RBFOX1: variants seen among roughly 807,000 people sequenced by gnomAD.
RBFOX1 encodes the protein RNA binding protein fox-1 homolog 1.
RBFOX1 carries 8 observed loss-of-function variants against 57.7 expected under a neutral mutation model. The observed-to-expected ratio is 0.14, with a 90% CI of 0.08 to 0.25. The LOEUF (loss-of-function observed/expected upper bound fraction) is 0.25. Ranked by LOEUF, RBFOX1 falls within the 10% of genes least tolerant of loss-of-function variation. The probability of loss-of-function intolerance (pLI) is 1.00; values close to 1 mark genes in which losing one functional copy is unlikely to be tolerated. For missense variants in RBFOX1, 611 were observed against 548.5 expected (o/e 1.11, Z -1.14); for synonymous variants, 326 against 222.4 (o/e 1.47, Z -4.15).
rs527273950 is a variant in RBFOX1 at position 5,617,487 on chromosome 16, C to T, written c.318+18526C>T. On this transcript the variant is annotated intron_variant, in intron 3 of 19. Transcript: ENST00000641259. ...GACTCTGTGTTCTCCAATCATCAGG[C>T]TTGTTCCCCTCCTTTAAGGGTGTCC... is the stretch of plus-strand genomic sequence containing the variant. 2.3e-3 allele frequency among the ~76,000 whole-genome samples: 350 copies of T among 152,320 alleles called. 1 individual carries two copies. Among genetic ancestry groups the T allele is most frequent in the South Asian group, 5.2e-3 (25 of 4,824 alleles).
intron 1 of RBFOX1, among the ~76,000 whole-genome samples, chr16:6,216,571 C>G (rs551678794): frequency 7.2e-4 from 110 of 152,254 alleles, no homozygotes; most frequent in African/African-American, 2.2e-3. Flanking sequence ...CTTCAGCCTT[C>G]GAGTGAGCAA....
At chr16:7,344,185 G>A (rs966248343) in intron 4 of RBFOX1, among the ~76,000 whole-genome samples, 4 of 137,186 alleles carry the variant, frequency 2.9e-5, no homozygotes, top group Admixed American at 1.6e-4. Flanking sequence ...CATATTAAAA[G>A]TGCCTAAATT....
chr16:5,960,815 A>T (rs998926845), intron 4 of RBFOX1, among the ~76,000 whole-genome samples: 1 of 152,224 alleles, frequency 6.6e-6, no homozygotes, highest in African/African-American at 2.4e-5. Flanking sequence ...AATTGAAGCC[A>T]AGTGTCTCTT....
chr16:7,133,550 G>C (rs952807616), intron 4 of RBFOX1, among the ~76,000 whole-genome samples: 3 of 152,104 alleles, frequency 2.0e-5, no homozygotes, highest in Non-Finnish European at 4.4e-5. Context: ...AGAGAGAGCA[G>C]CTCTTGTCTT....
chr16:5,485,623 A>G (rs1180676893), intron 2 of RBFOX1, among the ~76,000 whole-genome samples: 2 of 152,198 alleles, frequency 1.3e-5, no homozygotes, highest in African/African-American at 4.8e-5. Flanking sequence ...TCCTCATTTC[A>G]CAGATAAAAG....
intron 4 of RBFOX1, among the ~76,000 whole-genome samples, chr16:7,236,221 T>C (rs955931261): frequency 2.0e-5 from 3 of 152,198 alleles, no homozygotes; most frequent in Admixed American, 6.5e-5. Flanking sequence ...TCAAGAGTTA[T>C]ATTTAGATCT....
chr16:7,694,331 A>AG (rs2078120860), intron 14 of RBFOX1, among the ~76,000 whole-genome samples: 2 of 152,298 alleles, frequency 1.3e-5, no homozygotes, highest in Admixed American at 6.5e-5. Flanking sequence ...GCTGCAGTAA[A>AG]AAAAGGCTTA....
At chr16:7,341,956 TC>T (rs2096906330) in intron 4 of RBFOX1, among the ~76,000 whole-genome samples, 1 of 152,002 alleles carries the variant, frequency 6.6e-6, no homozygotes, top group South Asian at 2.1e-4. Context: ...GCTTGGCCAT[TC>T]CTTCTCTTCT....
intron 4 of RBFOX1, among the ~76,000 whole-genome samples, chr16:5,877,776 G>T (rs62017076): frequency 0.14 from 20,854 of 152,254 alleles, 1,919 homozygotes; most frequent in Non-Finnish European, 0.19. Flanking sequence ...ACAGATTATG[G>T]AGAAATGTTT....
At chr16:6,527,241 C>T (rs1471539649) in intron 2 of RBFOX1, among the ~76,000 whole-genome samples, 4 of 152,038 alleles carry the variant, frequency 2.6e-5, no homozygotes, top group Admixed American at 6.6e-5. Flanking sequence ...GAAGTAAAGA[C>T]GCGTTACCAG....
chr16:5,309,541 C>G (rs766613695), intron 1 of RBFOX1, among the ~76,000 whole-genome samples: 1 of 152,094 alleles, frequency 6.6e-6, no homozygotes, highest in African/African-American at 2.4e-5. Flanking sequence ...TTAGGGGGTA[C>G]AAGTGCCATT....
intron 4 of RBFOX1, among the ~76,000 whole-genome samples, chr16:7,288,806 A>G (rs1028412629): frequency 6.6e-6 from 1 of 152,164 alleles, no homozygotes; most frequent in African/African-American, 2.4e-5. Context: ...GCACCACTGC[A>G]CTCCAGCCTG....
chr16:5,506,180 G>A (rs2043371493), intron 2 of RBFOX1, among the ~76,000 whole-genome samples: 1 of 152,108 alleles, frequency 6.6e-6, no homozygotes, highest in African/African-American at 2.4e-5. Context: ...CAGTGTTCCG[G>A]GAACTTTCTG....
At chr16:7,038,680 T>C (rs1185778082) in intron 3 of RBFOX1, among the ~76,000 whole-genome samples, 1 of 152,140 alleles carries the variant, frequency 6.6e-6, no homozygotes, top group Non-Finnish European at 1.5e-5. Context: ...GAGACTGCAT[T>C]CTTGCAGAAA....
At chr16:6,134,216 C>T (rs1387981500) in intron 1 of RBFOX1, among the ~76,000 whole-genome samples, 2 of 152,138 alleles carry the variant, frequency 1.3e-5, no homozygotes, top group Admixed American at 6.5e-5. Context: ...GGATTACAGG[C>T]GTGAGCCACC....
chr16:5,555,102 C>G (rs569011933), intron 2 of RBFOX1, among the ~76,000 whole-genome samples: 1 of 152,158 alleles, frequency 6.6e-6, no homozygotes, highest in African/African-American at 2.4e-5. Context: ...ATGTGGGGCT[C>G]TCTAAAGCCC....
chr16:6,633,105 C>G (rs899626490), intron 2 of RBFOX1, among the ~76,000 whole-genome samples: 1 of 152,136 alleles, frequency 6.6e-6, no homozygotes, highest in Non-Finnish European at 1.5e-5. Flanking sequence ...AAGAAAGTTG[C>G]AGCGATTGTG....
intron 1 of RBFOX1, among the ~76,000 whole-genome samples, chr16:6,068,494 T>C (rs1399592631): frequency 6.6e-6 from 1 of 152,106 alleles, no homozygotes; most frequent in Non-Finnish European, 1.5e-5. Flanking sequence ...TAGGAACCGT[T>C]TGGGGTTAAA....
intron 4 of RBFOX1, among the ~76,000 whole-genome samples, chr16:7,390,200 C>T (rs1216234618): frequency 6.6e-6 from 1 of 152,160 alleles, no homozygotes; most frequent in African/African-American, 2.4e-5. Context: ...ATTATTCTGT[C>T]ATCTCGCACC....
Sources: gnomAD v4.1 joint callset for allele counts (sites outside exome capture counted in the v4.1 genomes callset) on GRCh38, gnomAD v4.1.1 for gene constraint, MANE v1.5 for transcripts, NCBI Gene and HGNC (gene_info 2026-07-23, HGNC 2026-07-21) for gene names.